The following ACOXL variants were observed in gnomAD, a reference collection of about 807,000 sequenced individuals.
The protein encoded by ACOXL is acyl-CoA oxidase like.
ACOXL carries 70 observed loss-of-function variants against 71.9 expected under a neutral mutation model. The observed-to-expected ratio is 0.97, with a 90% confidence interval of 0.80 to 1.19. ACOXL has a LOEUF of 1.19. ACOXL is among the 50% of genes most tolerant of loss of function. The probability of loss-of-function intolerance (pLI) is 0.00; values close to 1 mark genes in which losing one functional copy is unlikely to be tolerated. For synonymous variants in ACOXL, 253 were observed against 281.6 expected (o/e 0.90, Z 1.02); for missense variants, 703 against 736.3 (o/e 0.95, Z 0.52).
chr2:110,831,135 G>A (rs938409122), intron 9 of ACOXL, among the ~76,000 whole-genome samples: 1 of 152,068 alleles, frequency 6.6e-6, no homozygotes, highest in Non-Finnish European at 1.5e-5. Context: ...GTACTAGCCA[G>A]GGAAATAAGG....
chr2:111,024,329 A>G (rs977383234), intron 14 of ACOXL, among the ~76,000 whole-genome samples: 2 of 152,230 alleles, frequency 1.3e-5, no homozygotes, highest in African/African-American at 4.8e-5. Context: ...ACACTGGAGT[A>G]GGGTGGGCTT....
intron 1 of ACOXL, among the ~76,000 whole-genome samples, chr2:110,750,531 A>G (rs534638176): frequency 2.0e-5 from 3 of 150,902 alleles, no homozygotes; most frequent in East Asian, 1.9e-4. Context: ...TGGCCCTACC[A>G]TAATTCCATT....
At chr2:111,071,589 A>G (rs2067344618) in intron 16 of ACOXL, among the ~76,000 whole-genome samples, 1 of 152,242 alleles carries the variant, frequency 6.6e-6, no homozygotes, top group South Asian at 2.1e-4. Flanking sequence ...GCACTTCATC[A>G]CAGTGAGAGA....
chr2:110,899,333 G>A (rs766481058), intron 10 of ACOXL, among the ~76,000 whole-genome samples: 35 of 152,288 alleles, frequency 2.3e-4, no homozygotes, highest in Non-Finnish European at 1.0e-4. Context: ...CCTCAGTGAC[G>A]GGAACCTGGA....
At chr2:110,939,651 T>G (rs957794769) in intron 12 of ACOXL, among the ~76,000 whole-genome samples, 7 of 152,240 alleles carry the variant, frequency 4.6e-5, no homozygotes, top group African/African-American at 1.7e-4. Context: ...TACCTGGGAT[T>G]GCTTTTTGGG....
At chr2:110,896,403 G>A (rs547099978) in intron 10 of ACOXL, among the ~76,000 whole-genome samples, 1 of 152,158 alleles carries the variant, frequency 6.6e-6, no homozygotes, top group East Asian at 1.9e-4. Context: ...AAATGTAAAT[G>A]GTCAAATAAT....
chr2:111,106,759 G>A (rs1287233023), intron 17 of ACOXL, among the ~76,000 whole-genome samples: 1 of 152,154 alleles, frequency 6.6e-6, no homozygotes, highest in Non-Finnish European at 1.5e-5. Flanking sequence ...TCTCTACTTA[G>A]TCTCTGTTGA....
At chr2:110,745,999 A>T (rs2104749616) in intron 1 of ACOXL, among the ~76,000 whole-genome samples, 1 of 152,146 alleles carries the variant, frequency 6.6e-6, no homozygotes, top group Middle Eastern at 3.4e-3. Flanking sequence ...ACCCTGTTGC[A>T]CTGAGTGTTG....
chr2:110,888,031 GATAAAT>G (rs1244112638), intron 10 of ACOXL: 2 of 152,172 alleles, frequency 1.3e-5, no homozygotes, highest in African/African-American at 4.8e-5. Flanking sequence ...TTTCTCTGCT[GATAAAT>G]ATTTAGTGTA....
intron 12 of ACOXL, among the ~76,000 whole-genome samples, chr2:110,934,663 G>A (rs1357984617): frequency 6.6e-6 from 1 of 152,196 alleles, no homozygotes; most frequent in Non-Finnish European, 1.5e-5. Flanking sequence ...ATGGTGAAGA[G>A]GGGCTGAGCC....
At chr2:111,029,796 G>T (rs1441856214) in intron 14 of ACOXL, among the ~76,000 whole-genome samples, 1 of 152,216 alleles carries the variant, frequency 6.6e-6, no homozygotes, top group African/African-American at 2.4e-5. Context: ...ATAAGGAAGA[G>T]CACTTGGGAG....
chr2:110,741,222 A>G (rs1677491288), intron 1 of ACOXL, among the ~76,000 whole-genome samples: 1 of 152,056 alleles, frequency 6.6e-6, no homozygotes, highest in Non-Finnish European at 1.5e-5. Flanking sequence ...GTAATAATGT[A>G]CCCGGGCTAG....
chr2:110,781,817 T>C (rs1683376944), intron 2 of ACOXL, among the ~76,000 whole-genome samples: 1 of 152,136 alleles, frequency 6.6e-6, no homozygotes, highest in African/African-American at 2.4e-5. Flanking sequence ...AGACTACACA[T>C]CCAACCTATT....
At chr2:110,951,194 C>T (rs1356858639) in intron 12 of ACOXL, among the ~76,000 whole-genome samples, 1 of 152,134 alleles carries the variant, frequency 6.6e-6, no homozygotes, top group Non-Finnish European at 1.5e-5. Context: ...AAAATAGCAG[C>T]TGAGTAGATA....
chr2:110,997,206 G>T (rs1340386627), intron 14 of ACOXL, among the ~76,000 whole-genome samples: 1 of 152,176 alleles, frequency 6.6e-6, no homozygotes, highest in African/African-American at 2.4e-5. Context: ...GATAAGAGAA[G>T]AAAACAGAAG....
At chr2:110,871,578 T>C (rs1695283080) in intron 10 of ACOXL, among the ~76,000 whole-genome samples, 1 of 152,078 alleles carries the variant, frequency 6.6e-6, no homozygotes, top group South Asian at 2.1e-4. Context: ...TTCAGTTAAC[T>C]GTGTGGAAGA....
At chr2:110,799,990 C>T (rs558223436) in intron 7 of ACOXL, among the ~76,000 whole-genome samples, 1 of 152,118 alleles carries the variant, frequency 6.6e-6, no homozygotes, top group Non-Finnish European at 1.5e-5. Context: ...AGTAGCCAAT[C>T]GCGGGGAGGA....
rs539103321 is a variant in ACOXL at position 110,910,012 on chromosome 2, T to A, written c.905+1107T>A. Among the ~76,000 whole-genome samples the A allele has an allele frequency of 2.6e-5, 4 of 152,242 alleles. No individual in the cohort carries two copies. In the South Asian group the frequency reaches 6.2e-4, roughly 24 times the overall value. On this transcript the variant is annotated intron_variant, in intron 11 of 17. Coordinates refer to ENST00000439055, the MANE Select transcript of ACOXL (RefSeq NM_001142807.4). Reference sequence around the variant, plus strand: ...GAGGTTTAATTTGCATACAGTGAAATGCATAGATTTTAGTTTTTAGTGGAG... The same window carrying A: ...GAGGTTTAATTTGCATACAGTGAAAAGCATAGATTTTAGTTTTTAGTGGAG...
At chr2:110,754,099 G>T (rs551342538) in intron 1 of ACOXL, among the ~76,000 whole-genome samples, 3 of 145,870 alleles carry the variant, frequency 2.1e-5, no homozygotes, top group East Asian at 2.0e-4. Flanking sequence ...TTGAGATAGG[G>T]TCTCACTCTG....
Sources: gnomAD v4.1 joint callset for allele counts (sites outside exome capture counted in the v4.1 genomes callset) on GRCh38, gnomAD v4.1.1 for gene constraint, MANE v1.5 for transcripts, NCBI Gene and HGNC (gene_info 2026-07-23, HGNC 2026-07-21) for gene names.